PCDHA2: variants seen among roughly 807,000 people sequenced by gnomAD.
PCDHA2 encodes the protein protocadherin alpha-2.
PCDHA2 carries 58 observed loss-of-function variants against 66.0 expected under a neutral mutation model. That is an observed-to-expected ratio of 0.88 (90% CI 0.71 to 1.09). The LOEUF is 1.09. PCDHA2 is among the 50% of genes least tolerant of loss of function. The pLI is 0.00. For missense variants in PCDHA2, 1,267 were observed against 1,242.3 expected (o/e 1.02, Z -0.30); for synonymous variants, 634 against 554.0 (o/e 1.14, Z -2.03).
intron 1 of PCDHA2, chr5:140,843,534 C>T: frequency 6.3e-7 from 1 of 1,596,028 alleles, no homozygotes; most frequent in Non-Finnish European, 8.6e-7. Flanking sequence ...GGCAAGCCCA[C>T]TCTGGTGTGC....
At chr5:140,871,658 C>G in intron 1 of PCDHA2, 2 of 1,224,216 alleles carry the variant, frequency 1.6e-6, no homozygotes, top group Non-Finnish European at 2.2e-6. Context: ...TGATACACAT[C>G]TTCAGTCTTT....
At chr5:140,897,356 C>T (rs1554187343) in intron 1 of PCDHA2, among the ~76,000 whole-genome samples, 1 of 134,770 alleles carries the variant, frequency 7.4e-6, no homozygotes, top group African/African-American at 2.8e-5. Flanking sequence ...ACAACTGTCC[C>T]CAGAGTGTGA....
At chr5:140,854,178 A>AATT in intron 1 of PCDHA2, 6 of 531,176 alleles carry the variant, frequency 1.1e-5, no homozygotes, top group Non-Finnish European at 1.2e-5. Context: ...AAAAAAAAAG[A>AATT]GTAGTTTAAC....
intron 1 of PCDHA2, chr5:140,966,800 G>A: frequency 6.5e-7 from 1 of 1,540,654 alleles, no homozygotes; most frequent in Non-Finnish European, 8.7e-7. Context: ...TGCGGCGACA[G>A]AGCATCCACG....
intron 1 of PCDHA2, among the ~76,000 whole-genome samples, chr5:140,970,714 A>C (rs1554232672): frequency 6.6e-6 from 1 of 152,220 alleles, no homozygotes; most frequent in Non-Finnish European, 1.5e-5. Flanking sequence ...CAATGTGTGA[A>C]CAATATTTGT....
intron 1 of PCDHA2, among the ~76,000 whole-genome samples, chr5:140,819,536 A>G (rs1328412419): frequency 6.6e-6 from 1 of 152,166 alleles, no homozygotes; most frequent in Non-Finnish European, 1.5e-5. Context: ...CAAGAAAATA[A>G]TCTGTAACAT....
chr5:140,926,469 C>A (rs558686220), intron 1 of PCDHA2: 1 of 162,452 alleles, frequency 6.2e-6, no homozygotes, highest in Admixed American at 6.4e-5. Context: ...TAGAAAACAC[C>A]GTTTAAGGAG....
At chr5:140,829,581 G>T (rs143213882) in intron 1 of PCDHA2, 38 of 1,612,162 alleles carry the variant, frequency 2.4e-5, no homozygotes, top group African/African-American at 1.6e-4. Flanking sequence ...CTGGTGGAGC[G>T]GCGGGTGGGC....
chr5:140,939,379 A>C (rs1554212694), intron 1 of PCDHA2, among the ~76,000 whole-genome samples: 1 of 152,170 alleles, frequency 6.6e-6, no homozygotes, highest in Non-Finnish European at 1.5e-5. Flanking sequence ...GAACACAAAC[A>C]TTCAGATCAT....
intron 1 of PCDHA2, among the ~76,000 whole-genome samples, chr5:140,964,252 T>C (rs569615423): frequency 4.6e-5 from 7 of 152,332 alleles, no homozygotes; most frequent in African/African-American, 1.7e-4. Context: ...GGCTTTATAT[T>C]TGACTCCTTA....
At position 140,967,061 on chromosome 5, in the gene PCDHA2, C is replaced by G. The variant is rs1554229125; in HGVS notation, c.2389-11888C>G. The G allele has an allele frequency of 1.9e-6, 3 of 1,612,886 alleles. No individual in the cohort carries two copies. The Admixed American group carries it at 5.0e-5, about 27-fold the overall frequency. On this transcript the variant is annotated intron_variant, in intron 1 of 3. Coordinates refer to ENST00000526136, the MANE Select transcript of PCDHA2 (RefSeq NM_018905.3). ...GGAGCTGGACCTGACGAGTGGAGCG[C>G]TCTTCGTCAACGAGCGCATTGATCG...
At chr5:140,963,421 T>C (rs1554226598) in intron 1 of PCDHA2, among the ~76,000 whole-genome samples, 2 of 152,252 alleles carry the variant, frequency 1.3e-5, no homozygotes, top group African/African-American at 4.8e-5. Flanking sequence ...ACAGCATGTT[T>C]AGGAACTAAC....
At chr5:140,885,482 G>A (rs1174553739) in intron 1 of PCDHA2, among the ~76,000 whole-genome samples, 1 of 152,150 alleles carries the variant, frequency 6.6e-6, no homozygotes, top group Non-Finnish European at 1.5e-5. Context: ...TTTGTGTCAA[G>A]TGTTCTGTTA....
Position 140,988,156 on chromosome 5 carries a change from C to T in PCDHA2, c.2536+5593C>T, listed in dbSNP as rs546335543. Among the ~76,000 whole-genome samples, 7 of 152,172 alleles carry T rather than the reference C, an allele frequency of 4.6e-5. No individual in the cohort carries two copies. The South Asian group carries it at 1.5e-3, about 32-fold the overall frequency. On this transcript the variant is annotated intron_variant, in intron 3 of 3. Coordinates refer to ENST00000526136, the MANE Select transcript of PCDHA2 (RefSeq NM_018905.3). ...TAACCTGTTCAACCTCAACTTCTGCCGTTGTCATAGCAATGACAGTCCTGG... is the reference window on the plus strand; with the variant it reads ...TAACCTGTTCAACCTCAACTTCTGCTGTTGTCATAGCAATGACAGTCCTGG...
chr5:140,836,406 G>A (rs2150259956), intron 1 of PCDHA2: 4 of 1,613,782 alleles, frequency 2.5e-6, no homozygotes, highest in Middle Eastern at 1.6e-4. Context: ...AAGCGGCCAG[G>A]CACCAAAGGC....
At chr5:140,874,890 C>A (rs150583747) in intron 1 of PCDHA2, among the ~76,000 whole-genome samples, 2 of 152,276 alleles carry the variant, frequency 1.3e-5, no homozygotes, top group Admixed American at 1.3e-4. Context: ...TCCTAACTTT[C>A]TCTAAAATCT....
intron 1 of PCDHA2, among the ~76,000 whole-genome samples, chr5:140,960,813 A>C (rs1356756058): frequency 6.6e-6 from 1 of 152,202 alleles, no homozygotes; most frequent in Non-Finnish European, 1.5e-5. Context: ...AGAGGTCCCA[A>C]GTGATGAATG....
intron 1 of PCDHA2, among the ~76,000 whole-genome samples, chr5:140,960,355 A>G (rs1489344440): frequency 6.6e-6 from 1 of 152,222 alleles, no homozygotes; most frequent in Admixed American, 6.5e-5. Flanking sequence ...ATGTACTGAA[A>G]TAATATGCCA....
chr5:140,925,806 C>A (rs2082736423), intron 1 of PCDHA2, among the ~76,000 whole-genome samples: 1 of 152,148 alleles, frequency 6.6e-6, no homozygotes, highest in South Asian at 2.1e-4. Flanking sequence ...TTCCCCTCCA[C>A]TTCTCACGTC....
Sources: allele counts gnomAD v4.1 joint callset (sites outside exome capture counted in the v4.1 genomes callset), GRCh38; gene constraint gnomAD v4.1.1; transcripts MANE v1.5; gene names NCBI Gene and HGNC (gene_info 2026-07-23, HGNC 2026-07-21).